The following CDKAL1 variants were observed in gnomAD, a reference collection of about 807,000 sequenced individuals.
CDKAL1 encodes threonylcarbamoyladenosine tRNA methylthiotransferase.
In CDKAL1, 32 loss-of-function variants were observed where a neutral mutation model predicts 68.2. The observed-to-expected ratio is 0.47, with a 90% CI of 0.35 to 0.63. The LOEUF is 0.63. Among genes scored for constraint, CDKAL1 ranks in the 30% least tolerant of loss-of-function variants. The pLI, the probability that CDKAL1 is intolerant of heterozygous loss-of-function variation, is 0.00. For synonymous variants in CDKAL1, 234 were observed against 244.3 expected, an observed-to-expected ratio of 0.96 and a Z score of 0.39; for missense variants, 606 against 696.7, an observed-to-expected ratio of 0.87 and a Z score of 1.47.
chr6:20,893,816 G>A (rs1445176838), intron 9 of CDKAL1, among the ~76,000 whole-genome samples: 1 of 152,138 alleles, frequency 6.6e-6, no homozygotes, highest in East Asian at 1.9e-4. Flanking sequence ...ACAGTCTTGG[G>A]CATGGAGTAA....
In CDKAL1 at chr6:20,979,563, T is replaced by TC. The variant is rs905595361; in HGVS notation, c.910-20661dup. ...GGTCTGCTTTTGATAGGAACATGTT[T>TC]CCCGGGGGTTCGAGGGTGAGCAGGG... On this transcript the variant is annotated intron_variant, in intron 10 of 15. Coordinates refer to ENST00000274695, the MANE Select transcript of CDKAL1 (RefSeq NM_017774.3). 1.4e-3 allele frequency among the ~76,000 whole-genome samples: 216 copies of TC among 152,032 alleles called. 1 individual carries two copies. Among genetic ancestry groups the TC allele is most frequent in the African/African-American group, 4.4e-3 (182 of 41,446 alleles).
intron 8 of CDKAL1, among the ~76,000 whole-genome samples, chr6:20,800,441 G>T (rs1776319767): frequency 6.6e-6 from 1 of 152,162 alleles, no homozygotes; most frequent in Non-Finnish European, 1.5e-5. Flanking sequence ...AAATTGGTCT[G>T]GGAGTGGGGA....
chr6:20,741,473 C>G, intron 6 of CDKAL1, among the ~76,000 whole-genome samples: 1 of 152,070 alleles, frequency 6.6e-6, no homozygotes, highest in East Asian at 1.9e-4. Context: ...TTCCCACTCA[C>G]TACCCTCCAA....
chr6:20,716,335 T>C (rs1772090888), intron 5 of CDKAL1, among the ~76,000 whole-genome samples: 1 of 152,146 alleles, frequency 6.6e-6, no homozygotes, highest in Non-Finnish European at 1.5e-5. Context: ...GAGGTGATAT[T>C]TGAACAGAGA....
chr6:20,583,187 C>T (rs1765206089), intron 4 of CDKAL1, among the ~76,000 whole-genome samples: 2 of 152,126 alleles, frequency 1.3e-5, no homozygotes, highest in South Asian at 2.1e-4. Context: ...CTGTTCTATT[C>T]ACCACTGCAT....
chr6:20,638,940 C>G lies in CDKAL1; in HGVS notation c.287-10353C>G, dbSNP rs186644250. Among the ~76,000 whole-genome samples, 77 of 151,956 alleles carry G rather than the reference C, an allele frequency of 5.1e-4. No individual in the cohort carries two copies. In the Middle Eastern group the frequency reaches 0.017, roughly 34 times the overall value. On this transcript the variant is annotated intron_variant, in intron 4 of 15. Transcript: ENST00000274695. ...AACCACCGCGCCCGGCCTAGGGATT[C>G]TCTAGATGCAGTAACTTCTGAAATA...
intron 5 of CDKAL1, among the ~76,000 whole-genome samples, chr6:20,674,491 A>G (rs1207374272): frequency 2.0e-5 from 3 of 152,246 alleles, no homozygotes; most frequent in East Asian, 3.8e-4. Context: ...TGGAGTACAT[A>G]TAGATATTTT....
chr6:20,872,719 G>GT (rs1554133655), intron 9 of CDKAL1, among the ~76,000 whole-genome samples: 1 of 118 alleles, frequency 8.5e-3, no homozygotes, highest in African/African-American at 0.024. Flanking sequence ...AGATAATTCA[G>GT]TTGTAATATA....
intron 7 of CDKAL1, 27 bp downstream of exon 7, chr6:20,758,670 A>G (rs749895945): frequency 6.4e-7 from 1 of 1,570,566 alleles, no homozygotes; most frequent in East Asian, 2.2e-5. Context: ...AGATAAACAG[A>G]TGTATATATT....
intron 8 of CDKAL1, among the ~76,000 whole-genome samples, chr6:20,781,785 C>G (rs187248837): frequency 6.6e-6 from 1 of 152,250 alleles, no homozygotes; most frequent in East Asian, 1.9e-4. Flanking sequence ...TTGATTATAA[C>G]TCTTGGTATA....
intron 11 of CDKAL1, among the ~76,000 whole-genome samples, chr6:21,032,162 G>GTA (rs1451086366): frequency 5.9e-5 from 9 of 152,238 alleles, no homozygotes; most frequent in Admixed American, 3.9e-4. Context: ...TTGTGCCTAA[G>GTA]TAGTAAGTGT....
intron 9 of CDKAL1, among the ~76,000 whole-genome samples, chr6:20,919,455 A>G (rs1168692582): frequency 6.6e-6 from 1 of 152,188 alleles, no homozygotes; most frequent in East Asian, 1.9e-4. Context: ...ATAGGTATAC[A>G]TGTGCCATGG....
chr6:20,869,974 A>G (rs1760119086), intron 9 of CDKAL1, among the ~76,000 whole-genome samples: 1 of 152,226 alleles, frequency 6.6e-6, no homozygotes, highest in Non-Finnish European at 1.5e-5. Context: ...ATAAGTACAA[A>G]TATAACATTT....
intron 2 of CDKAL1, among the ~76,000 whole-genome samples, chr6:20,543,633 G>A (rs1361440826): frequency 6.6e-6 from 1 of 151,004 alleles, no homozygotes; most frequent in Non-Finnish European, 1.5e-5. Context: ...TATGGATTGT[G>A]CTTTTGGTGT....
chr6:21,073,395 T>G (rs1771900176), intron 12 of CDKAL1, among the ~76,000 whole-genome samples: 1 of 152,166 alleles, frequency 6.6e-6, no homozygotes, highest in Non-Finnish European at 1.5e-5. Flanking sequence ...AGAAGTATGT[T>G]TATAAAAAAT....
intron 4 of CDKAL1, among the ~76,000 whole-genome samples, chr6:20,551,952 C>A (rs191301225): frequency 3.5e-4 from 53 of 151,552 alleles, no homozygotes; most frequent in Admixed American, 2.0e-3. Context: ...TGGCCCCAAG[C>A]TCCTGGGCTC....
intron 4 of CDKAL1, among the ~76,000 whole-genome samples, chr6:20,603,401 G>T (rs1210603611): frequency 6.6e-6 from 1 of 152,176 alleles, no homozygotes; most frequent in Non-Finnish European, 1.5e-5. Context: ...AGGTTGGGCA[G>T]GTCCAGATAA....
chr6:20,638,823 G>A (rs989907966), intron 4 of CDKAL1, among the ~76,000 whole-genome samples: 1 of 151,902 alleles, frequency 6.6e-6, no homozygotes, highest in Non-Finnish European at 1.5e-5. Flanking sequence ...TAGTAGAGAC[G>A]GGGTTTCACC....
At chr6:21,004,813 C>A (rs966279575) in intron 11 of CDKAL1, among the ~76,000 whole-genome samples, 2 of 151,906 alleles carry the variant, frequency 1.3e-5, no homozygotes, top group Non-Finnish European at 2.9e-5. Flanking sequence ...AATAAAAAAA[C>A]TAGCTGAGCA....
Sources: allele counts gnomAD v4.1 joint callset (sites outside exome capture counted in the v4.1 genomes callset), GRCh38; gene constraint gnomAD v4.1.1; transcripts MANE v1.5; gene names NCBI Gene and HGNC (gene_info 2026-07-23, HGNC 2026-07-21).